The following FAM120B variants were observed in gnomAD, a reference collection of about 807,000 sequenced individuals.
The protein encoded by FAM120B is family with sequence similarity 120 member B.
Under a neutral mutation model 96.3 loss-of-function variants are expected in FAM120B, and 83 were observed. That is an observed-to-expected ratio of 0.86 (90% CI 0.72 to 1.03). The LOEUF is 1.03. Among genes scored for constraint, FAM120B ranks in the 50% least tolerant of loss-of-function variants. The probability of loss-of-function intolerance (pLI) is 0.00; values close to 1 mark genes in which losing one functional copy is unlikely to be tolerated. For missense variants in FAM120B, 1,027 were observed against 1,121.2 expected (o/e 0.92, Z 1.20); for synonymous variants, 407 against 402.7 (o/e 1.01, Z -0.13).
At chr6:170,398,343 T>G (rs941503016) in intron 9 of FAM120B, among the ~76,000 whole-genome samples, 1 of 152,240 alleles carries the variant, frequency 6.6e-6, no homozygotes, top group South Asian at 2.1e-4. Context: ...GTCATAACTC[T>G]TAGGAGTGAG....
In FAM120B at chr6:170,332,375, A is replaced by G. The variant is rs139461499; in HGVS notation, c.2017+1825A>G. On this transcript the variant is annotated intron_variant, in intron 4 of 10. Coordinates refer to ENST00000476287, the MANE Select transcript of FAM120B (RefSeq NM_032448.3). The stretch of plus-strand genomic sequence containing the variant: ...CAGAACATCCAATTGCCTGTCAAGT[A>G]TTCACATGAATACAACATACGATTA... Among the ~76,000 whole-genome samples, 757 of 152,342 alleles carry G rather than the reference A, an allele frequency of 5.0e-3. 9 individuals carry two copies. Among genetic ancestry groups the G allele is most frequent in the African/African-American group, 0.017 (723 of 41,566 alleles).
chr6:170,352,760 G>A (rs549388874), intron 5 of FAM120B, among the ~76,000 whole-genome samples: 3 of 152,206 alleles, frequency 2.0e-5, no homozygotes, highest in East Asian at 3.9e-4. Flanking sequence ...TGTTAAGAGG[G>A]AAATTTATAG....
At chr6:170,299,357 T>A (rs1249995322) in intron 1 of FAM120B, among the ~76,000 whole-genome samples, 1 of 152,248 alleles carries the variant, frequency 6.6e-6, no homozygotes, top group Non-Finnish European at 1.5e-5. Flanking sequence ...TGCAGGTGGT[T>A]TCTGTAGTGA....
At chr6:170,355,301 G>A (rs1284029880) in intron 5 of FAM120B, among the ~76,000 whole-genome samples, 4 of 152,262 alleles carry the variant, frequency 2.6e-5, no homozygotes, top group African/African-American at 9.6e-5. Flanking sequence ...CAATAGCAAA[G>A]ACATTGAATC....
intron 1 of FAM120B, among the ~76,000 whole-genome samples, chr6:170,300,564 A>G (rs368832567): frequency 6.6e-6 from 1 of 152,200 alleles, no homozygotes; most frequent in African/African-American, 2.4e-5. Flanking sequence ...TCATTCCAGC[A>G]TTAGCTCAAA....
chr6:170,292,355 C>G (rs1189668370), upstream of FAM120B, among the ~76,000 whole-genome samples: 1 of 152,162 alleles, frequency 6.6e-6, no homozygotes. This position sits in a 1 kb window ranked among gnomAD's most constrained non-coding sequence, Gnocchi z 6.6. Flanking sequence ...GCAGAGACTC[C>G]TACTCTGGCA....
At chr6:170,309,923 T>A (rs1208933697) in intron 1 of FAM120B, among the ~76,000 whole-genome samples, 1 of 152,218 alleles carries the variant, frequency 6.6e-6, no homozygotes, top group Non-Finnish European at 1.5e-5. Flanking sequence ...CATTTAGATA[T>A]AATGTTATGT....
intron 6 of FAM120B, among the ~76,000 whole-genome samples, chr6:170,375,649 T>C (rs1789465116): frequency 6.6e-6 from 1 of 152,174 alleles, no homozygotes; most frequent in South Asian, 2.1e-4. Flanking sequence ...TGAATTCCTG[T>C]GATGTGCCAG....
intron 8 of FAM120B, 46 bp downstream of exon 8, chr6:170,391,167 C>G (rs751375815): frequency 1.6e-6 from 2 of 1,257,566 alleles, no homozygotes; most frequent in Non-Finnish European, 2.3e-6. Flanking sequence ...AGCGTAGACC[C>G]TAACTGCTTC....
chr6:170,361,237 C>G (rs200324739), intron 6 of FAM120B, among the ~76,000 whole-genome samples: 1 of 54,062 alleles, frequency 1.8e-5, no homozygotes, highest in Non-Finnish European at 4.2e-5. Context: ...TATATATATA[C>G]ACGTATATAT....
rs547636554 is a variant in FAM120B, at chr6:170,397,521, C to T, written c.2692+1942C>T. Among the ~76,000 whole-genome samples the T allele has an allele frequency of 7.9e-5, 12 of 152,244 alleles. No homozygotes were observed. In the South Asian group the frequency reaches 1.0e-3, roughly 13 times the overall value. ...GTGTGAATCTGGAGTCCACCCCGAC[C>T]GAGAAGCTTGACCCAGGTGATTGCA... On this transcript the variant is annotated intron_variant, in intron 9 of 10. Coordinates refer to ENST00000476287, the MANE Select transcript of FAM120B (RefSeq NM_032448.3).
At position 170,317,840 on chromosome 6, in the gene FAM120B, G is replaced by A; in HGVS notation, c.450G>A (p.Gln150=). 1 of 1,614,222 alleles carries A rather than the reference G, an allele frequency of 6.2e-7. No homozygotes were observed. Among genetic ancestry groups the A allele is most frequent in the Non-Finnish European group, 8.5e-7 (1 of 1,180,044 alleles). ...GATTTGCTCTAAAGACACTGGGCCA[G>A]GAAACTTTGTGTTCTTTGCAGGAAG... The part of the protein sequence containing the change: ...FTRFALKTLG[Q]ETLCSLQEAD... The change falls in exon 2 of 11, where the codon CAG becomes CAA. Residue 150 remains glutamine, a synonymous_variant. Transcript: ENST00000476287.
At chr6:170,392,883 T>A (rs1270090851) in intron 8 of FAM120B, among the ~76,000 whole-genome samples, 1 of 152,196 alleles carries the variant, frequency 6.6e-6, no homozygotes, top group Non-Finnish European at 1.5e-5. Flanking sequence ...CCAATCCTTT[T>A]CTCCATCTTT....
At chr6:170,320,398 G>A (rs1562525023) in intron 2 of FAM120B, among the ~76,000 whole-genome samples, 1 of 152,124 alleles carries the variant, frequency 6.6e-6, no homozygotes, top group Non-Finnish European at 1.5e-5. Context: ...TGCAGTGAGT[G>A]GATTTAAAGT....
At chr6:170,376,478 G>T (rs970489095) in intron 6 of FAM120B, among the ~76,000 whole-genome samples, 1 of 151,950 alleles carries the variant, frequency 6.6e-6, no homozygotes, top group Non-Finnish European at 1.5e-5. Flanking sequence ...CGAGGAACAC[G>T]GGGGTGGGGG....
rs141217624 is a variant in FAM120B at position 170,363,920 on chromosome 6, A to G, written c.2283+5602A>G. ...GCTAATTTTTGTATTTTCAATAGAG[A>G]TGGGGTTTTACCATGTTGGCCAGAC... On this transcript the variant is annotated intron_variant, in intron 6 of 10. Coordinates refer to ENST00000476287, the MANE Select transcript of FAM120B (RefSeq NM_032448.3). This position sits in a 1 kb window ranked among gnomAD's most constrained non-coding sequence, Gnocchi z 4.5. Among the ~76,000 whole-genome samples the G allele has an allele frequency of 6.6e-6, 1 of 152,210 alleles. No individual in the cohort carries two copies. Among genetic ancestry groups the G allele is most frequent in the African/African-American group, 2.4e-5 (1 of 41,542 alleles).
chr6:170,402,416 A>G (rs1228187855), intron 9 of FAM120B, among the ~76,000 whole-genome samples: 1 of 152,238 alleles, frequency 6.6e-6, no homozygotes, highest in East Asian at 1.9e-4. Flanking sequence ...ACAAATATAA[A>G]TAAAAAGCCA....
chr6:170,329,822 T>C (rs1208312024), intron 3 of FAM120B, among the ~76,000 whole-genome samples: 1 of 152,144 alleles, frequency 6.6e-6, no homozygotes, highest in Non-Finnish European at 1.5e-5. Flanking sequence ...TCCACTCTTC[T>C]TCTCTTCATC....
chr6:170,355,558 G>A (rs1787854525), intron 5 of FAM120B, among the ~76,000 whole-genome samples: 1 of 152,002 alleles, frequency 6.6e-6, no homozygotes. Context: ...ACACACTGGG[G>A]ACTGTGAGGG....
Sources: gnomAD v4.1 joint callset for allele counts (sites outside exome capture counted in the v4.1 genomes callset) on GRCh38, gnomAD v4.1.1 for gene constraint, Gnocchi (gnomAD v3.1) non-coding constraint, MANE v1.5 for transcripts, NCBI Gene and HGNC (gene_info 2026-07-23, HGNC 2026-07-21) for gene names.